Variants in PEBP4 observed in about 807,000 individuals in gnomAD.
PEBP4 encodes the protein phosphatidylethanolamine binding protein 4.
PEBP4 carries 22 observed loss-of-function variants against 23.9 expected under a neutral mutation model. The ratio of observed to expected loss-of-function variants is 0.92; its 90% CI spans 0.66 to 1.31. The LOEUF (loss-of-function observed/expected upper bound fraction) is 1.31, where lower values mean the gene tolerates loss of function less well. Among genes scored for constraint, PEBP4 ranks in the 40% most tolerant of loss-of-function variants. The probability of loss-of-function intolerance (pLI) is 0.00; values close to 1 mark genes in which losing one functional copy is unlikely to be tolerated. For missense variants in PEBP4, 324 were observed against 281.7 expected (o/e 1.15, Z -1.07); for synonymous variants, 112 against 99.3 (o/e 1.13, Z -0.76).
chr8:22,784,272 G>A (rs1042258531), intron 4 of PEBP4, among the ~76,000 whole-genome samples: 3 of 152,206 alleles, frequency 2.0e-5, no homozygotes, highest in African/African-American at 7.2e-5. Context: ...AAGCTATGAA[G>A]GTTTCATGGA....
chr8:22,787,445 G>A (rs1265615143), intron 4 of PEBP4, among the ~76,000 whole-genome samples: 4 of 152,108 alleles, frequency 2.6e-5, no homozygotes, highest in South Asian at 2.1e-4. Flanking sequence ...TGGCAGAGGC[G>A]GGGGAGGGGG....
intron 3 of PEBP4, among the ~76,000 whole-genome samples, chr8:22,875,221 G>A (rs889579094): frequency 1.3e-5 from 2 of 151,790 alleles, no homozygotes; most frequent in African/African-American, 4.8e-5. Flanking sequence ...CACAAAAAGG[G>A]AACTCACTCC....
intron 2 of PEBP4, among the ~76,000 whole-genome samples, chr8:22,923,230 A>G (rs532833049): frequency 2.4e-4 from 37 of 152,206 alleles, no homozygotes; most frequent in African/African-American, 7.5e-4. Context: ...TCCAGGCTTC[A>G]GTTTGAGCTA....
intron 3 of PEBP4, among the ~76,000 whole-genome samples, chr8:22,829,180 C>T (rs1040779583): frequency 2.0e-5 from 3 of 152,168 alleles, no homozygotes; most frequent in African/African-American, 4.8e-5. Flanking sequence ...TTGACAAAAC[C>T]CCAAAGCTGG....
chr8:22,737,384 G>A (rs1440985868), intron 4 of PEBP4, among the ~76,000 whole-genome samples: 1 of 151,616 alleles, frequency 6.6e-6, no homozygotes, highest in African/African-American at 2.4e-5. Flanking sequence ...ATAATTGAAT[G>A]TTTATGTCGT....
intron 4 of PEBP4, among the ~76,000 whole-genome samples, chr8:22,811,985 T>G (rs1009306251): frequency 5.3e-5 from 8 of 152,266 alleles, no homozygotes; most frequent in Non-Finnish European, 1.2e-4. Context: ...TACTATTCTG[T>G]GTCAGAAGAC....
Position 22,839,755 on chromosome 8 carries a change from G to A in PEBP4, c.259-22020C>T, listed in dbSNP as rs74795192. ...GAGAACCACAACCTGACAGACCCTC[G>A]TGATTTGTTCCGGTTCCTTCCCTCC... On this transcript the variant is annotated intron_variant, in intron 3 of 6. Coordinates refer to ENST00000256404, the MANE Select transcript of PEBP4 (RefSeq NM_144962.3). Among the ~76,000 whole-genome samples, 468 of 152,240 alleles carry A rather than the reference G, an allele frequency of 3.1e-3. 3 individuals are homozygous for A. Among genetic ancestry groups the A allele is most frequent in the Non-Finnish European group, 5.5e-3 (376 of 68,018 alleles).
At chr8:22,748,583 T>G (rs1163281570) in intron 4 of PEBP4, among the ~76,000 whole-genome samples, 1 of 150,308 alleles carries the variant, frequency 6.7e-6, no homozygotes, top group Non-Finnish European at 1.5e-5. Context: ...TGTACTAGGT[T>G]GCACATGATG....
chr8:22,763,785 G>T (rs1446066073), intron 4 of PEBP4, among the ~76,000 whole-genome samples: 4 of 152,186 alleles, frequency 2.6e-5, no homozygotes, highest in African/African-American at 9.7e-5. Context: ...TACCATGGTT[G>T]TAGTTCTGTC....
chr8:22,904,322 C>T (rs1267790924), intron 3 of PEBP4, among the ~76,000 whole-genome samples: 2 of 152,158 alleles, frequency 1.3e-5, no homozygotes, highest in Non-Finnish European at 1.5e-5. Flanking sequence ...GGCAGAGTCC[C>T]TCAGTTTTTA....
At chr8:22,935,794 C>T (rs770914378) in intron 1 of PEBP4, among the ~76,000 whole-genome samples, 8 of 151,962 alleles carry the variant, frequency 5.3e-5, no homozygotes, top group African/African-American at 1.9e-4. Context: ...CTCATATATG[C>T]AAATATTCTA....
chr8:22,777,572 AC>A (rs1805837789), intron 4 of PEBP4, among the ~76,000 whole-genome samples: 1 of 151,938 alleles, frequency 6.6e-6, no homozygotes. Context: ...CAGGACACTT[AC>A]CCCCTGGCTG....
At chr8:22,918,878 G>A (rs1809135479) in intron 3 of PEBP4, among the ~76,000 whole-genome samples, 1 of 152,168 alleles carries the variant, frequency 6.6e-6, no homozygotes, top group South Asian at 2.1e-4. Context: ...GGGTTTCCAG[G>A]GAAGAGGGCT....
intron 4 of PEBP4, among the ~76,000 whole-genome samples, chr8:22,806,338 C>T (rs13279149): frequency 3.3e-5 from 5 of 152,052 alleles, no homozygotes; most frequent in South Asian, 2.1e-4. Flanking sequence ...ACAAGGTAGC[C>T]GGGTGTGGTG....
chr8:22,916,823 T>C (rs1809086404), intron 3 of PEBP4, among the ~76,000 whole-genome samples: 1 of 152,192 alleles, frequency 6.6e-6, no homozygotes, highest in South Asian at 2.1e-4. Flanking sequence ...CTTGAAGCTT[T>C]GAGAGACAGG....
intron 4 of PEBP4, among the ~76,000 whole-genome samples, chr8:22,790,955 C>T (rs1285288133): frequency 1.3e-5 from 2 of 152,184 alleles, no homozygotes; most frequent in African/African-American, 4.8e-5. Flanking sequence ...CGATGACCCC[C>T]CAGGGCTTAA....
At chr8:22,734,168 A>C (rs1399386563) in intron 4 of PEBP4, among the ~76,000 whole-genome samples, 1 of 152,206 alleles carries the variant, frequency 6.6e-6, no homozygotes, top group Non-Finnish European at 1.5e-5. Context: ...AGGGTAAGTG[A>C]GCGGAAGGCA....
At chr8:22,820,711 G>A (rs946672095) in intron 3 of PEBP4, among the ~76,000 whole-genome samples, 15 of 152,328 alleles carry the variant, frequency 9.8e-5, no homozygotes, top group Admixed American at 9.1e-4. Flanking sequence ...AAGGGCATGT[G>A]CAAAGGCAGG....
chr8:22,719,265 C>T (rs534446211), intron 6 of PEBP4, among the ~76,000 whole-genome samples: 15 of 152,308 alleles, frequency 9.8e-5, no homozygotes, highest in South Asian at 2.1e-4. Flanking sequence ...GTTTCCAGCA[C>T]GTTGACACCA....
Sources: gnomAD v4.1 joint callset for allele counts (sites outside exome capture counted in the v4.1 genomes callset) on GRCh38, gnomAD v4.1.1 for gene constraint, MANE v1.5 for transcripts, NCBI Gene and HGNC (gene_info 2026-07-23, HGNC 2026-07-21) for gene names.